ADAM8: variants seen among roughly 807,000 people sequenced by gnomAD.
The protein encoded by ADAM8 is disintegrin and metalloproteinase domain-containing protein 8.
ADAM8 carries 104 observed loss-of-function variants against 102.4 expected under a neutral mutation model. The observed-to-expected ratio is 1.02, with a 90% CI of 0.87 to 1.20. The LOEUF is 1.20. ADAM8 is among the 50% of genes most tolerant of loss of function. The pLI, the probability that ADAM8 is intolerant of heterozygous loss-of-function variation, is 0.00. For synonymous variants in ADAM8, 517 were observed against 485.2 expected, an observed-to-expected ratio of 1.07 and a Z score of -0.86; for missense variants, 1,132 against 1,159.0, an observed-to-expected ratio of 0.98 and a Z score of 0.34.
At position 133,273,829 on chromosome 10, in the gene ADAM8, A is replaced by G. The variant is rs922095580; in HGVS notation, c.316T>C (p.Phe106Leu). Residue 106 changes from phenylalanine to leucine, a missense_variant, in exon 5 of 23, where the codon TTC becomes CTC. Transcript: ENST00000445355. Reference protein sequence around the residue: ...TEQPRGQDHCFYQGHVEGYPD... With the variant: ...TEQPRGQDHCLYQGHVEGYPD... ...TACCCCTCTACGTGGCCCTGGTAGA[A>G]GCAGTGGTCCTGCGGGGGAAGCAGG... The G allele has an allele frequency of 1.3e-6, 2 of 1,549,352 alleles. No individual in the cohort carries two copies. The highest frequency in any genetic ancestry group is 1.7e-6 in the Non-Finnish European group (2 of 1,146,878).
Position 133,272,937 on chromosome 10 carries a change from C to G in ADAM8, c.636+20G>C. 6.2e-7 allele frequency: 1 copy of G among 1,612,706 alleles called. No homozygotes were observed. The highest frequency in any genetic ancestry group is 8.5e-7 in the Non-Finnish European group (1 of 1,179,726). ...CCCCCGCCGCCGGCTGCTCTCCCAC[C>G]TTCCCTGCCCCCAACACACCTCTGC... On this transcript the variant is annotated intron_variant, in intron 7 of 22. Transcript: ENST00000445355.
intron 19 of ADAM8, 110 bp from the exon 20 acceptor site, chr10:133,268,228 G>A (rs911344898): frequency 8.7e-6 from 9 of 1,029,662 alleles, no homozygotes; most frequent in African/African-American, 8.3e-5. Flanking sequence ...TTCAGGGCGA[G>A]AGGTTGTGGC....
At position 133,272,574 on chromosome 10, in the gene ADAM8, T is replaced by C; in HGVS notation, c.717A>G (p.Lys239=). The C allele has an allele frequency of 6.2e-7, 1 of 1,609,644 alleles. No homozygotes were observed. Among genetic ancestry groups the C allele is most frequent in the Non-Finnish European group, 8.5e-7 (1 of 1,178,640 alleles). ...CCACCAGGACCACACGGAAGTTGAG[T>C]TTCTGATATAGCTGGAGAGGTGGTG... ...VVNHVDKLYQ[K]LNFRVVLVGL... Residue 239 remains lysine (K), a synonymous_variant, in exon 9 of 23, where the codon AAA becomes AAG. Coordinates refer to ENST00000445355, the MANE Select transcript of ADAM8 (RefSeq NM_001109.5).
intron 2 of ADAM8, chr10:133,274,827 C>A (rs1250959901): frequency 9.2e-6 from 4 of 432,926 alleles, no homozygotes; most frequent in South Asian, 4.8e-5. Context: ...CCTGCTGGAC[C>A]ACTGCATCTC....
intron 20 of ADAM8, 147 bp from the exon 21 acceptor site, chr10:133,267,564 C>A (rs1368729631): frequency 3.8e-6 from 3 of 791,026 alleles, no homozygotes; most frequent in Non-Finnish European, 5.9e-6. Context: ...AGATGAGAGG[C>A]CCCGCCCCAT....
Position 133,262,941 on chromosome 10 carries a change from G to A in ADAM8, c.*215C>T. The A allele has an allele frequency of 1.5e-6, 1 of 676,978 alleles. No individual in the cohort carries two copies. Among genetic ancestry groups the A allele is most frequent in the Non-Finnish European group, 2.7e-6 (1 of 374,824 alleles). 41.9% of individuals were successfully genotyped at this position (676,978 alleles called of 1,614,324 possible). On this transcript the variant is annotated 3_prime_UTR_variant, in exon 23 of 23. Transcript: ENST00000445355. The stretch of plus-strand genomic sequence containing the variant: ...CCCAGCCTGGTGCCTGCAGACAGCT[G>A]GGGCTACACGTGGCCAAGGCGGGGA...
At position 133,275,504 on chromosome 10, in the gene ADAM8, G is replaced by A. The variant is rs970835860; in HGVS notation, c.130C>T (p.Arg44Ter). 13 of 1,530,988 alleles carry A rather than the reference G, an allele frequency of 8.5e-6. No individual in the cohort carries two copies. The highest frequency in any genetic ancestry group is 4.2e-5 in the Admixed American group (2 of 47,474). 94.8% of individuals were successfully genotyped at this position (1,530,988 alleles called of 1,614,324 possible). Reference protein sequence around the residue: ...PWRLPGPRVRRALPSHLGLHP... With the variant: ...PWRLPGPRVR ...CTCACCAAGTGGGAGGGCAGAGCTCGGCGGACTCGGGGGCCTGGCAGACGC... is the reference window on the plus strand; with the variant it reads ...CTCACCAAGTGGGAGGGCAGAGCTCAGCGGACTCGGGGGCCTGGCAGACGC... The change falls in exon 2 of 23, where the codon CGA (arginine) becomes TGA (stop). Residue 44 changes from arginine (R) to a stop codon, truncating the protein, a stop_gained. Transcript: ENST00000445355. LOFTEE classifies it high-confidence loss of function.
intron 22 of ADAM8, among the ~76,000 whole-genome samples, 170 bp downstream of exon 22, chr10:133,263,518 A>G (rs1846227123): frequency 7.4e-6 from 1 of 135,936 alleles, no homozygotes; most frequent in Non-Finnish European, 1.6e-5. Context: ...CACAGATACC[A>G]CAGTACAGCC....
At chr10:133,270,110 C>T in intron 16 of ADAM8, 136 bp from the exon 17 acceptor site, 8 of 1,176,622 alleles carry the variant, frequency 6.8e-6, no homozygotes, top group Non-Finnish European at 9.7e-6. Flanking sequence ...CATCTGCCGG[C>T]TGCCTACCCC....
Position 133,263,175 on chromosome 10 carries a change from C to G in ADAM8, c.2456G>C (p.Gly819Ala). Residue 819 changes from glycine (G) to alanine (A), a missense_variant, in exon 23 of 23, where the codon GGA becomes GCA. Transcript: ENST00000445355. ...KPPIQRKQGA[G>A]APTAP ...GCCCCCCTAGGGTGCTGTGGGAGCT[C>G]CGGCTCCTTGCTTCCTCTGGATGGG... The G allele has an allele frequency of 6.2e-7, 1 of 1,613,856 alleles. No individual in the cohort carries two copies. Among genetic ancestry groups the G allele is most frequent in the South Asian group, 1.1e-5 (1 of 91,076 alleles).
At position 133,272,511 on chromosome 10, in the gene ADAM8, G is replaced by C. The variant is rs752009788; in HGVS notation, c.780C>G (p.Val260=). 3 of 1,612,166 alleles carry C rather than the reference G, an allele frequency of 1.9e-6. No individual in the cohort carries two copies. The African/African-American group carries it at 4.0e-5, about 22-fold the overall frequency. ...EIWNSQDRFH[V]SPDPSVTLEN... Reference sequence around the variant, plus strand: ...CCAGTGTGACACTGGGGTCGGGGCTGACGTGGAACCTGTCCTGACTATTCC... The same window carrying C: ...CCAGTGTGACACTGGGGTCGGGGCTCACGTGGAACCTGTCCTGACTATTCC... The change falls in exon 9 of 23, where the codon GTC becomes GTG. Residue 260 remains valine (V), a synonymous_variant. Transcript: ENST00000445355.
chr10:133,274,145 C>A lies in ADAM8; in HGVS notation c.227+14G>T. 1.3e-6 allele frequency: 2 copies of A among 1,583,526 alleles called. No homozygotes were observed. The highest frequency in any genetic ancestry group is 1.7e-6 in the Non-Finnish European group (2 of 1,164,392). On this transcript the variant is annotated intron_variant, in intron 3 of 22. Coordinates refer to ENST00000445355, the MANE Select transcript of ADAM8 (RefSeq NM_001109.5). ...CCAGGCCCGGGCAGGGGGGCCGACC[C>A]GAGACCCACTCACCTGTTCTTCCGC...
chr10:133,270,687 C>T, intron 15 of ADAM8, 49 bp downstream of exon 15: 1 of 1,578,354 alleles, frequency 6.3e-7, no homozygotes, highest in Non-Finnish European at 8.6e-7. Flanking sequence ...GGGGCTGACC[C>T]CGCTGTGGGA....
intron 21 of ADAM8, among the ~76,000 whole-genome samples, chr10:133,266,247 C>T (rs564479383): frequency 1.6e-4 from 25 of 152,168 alleles, no homozygotes; most frequent in Admixed American, 1.0e-3. Flanking sequence ...TGGAGAAGGG[C>T]GTCCAGAGGG....
chr10:133,272,315 C>T (rs1846560093), intron 9 of ADAM8, 41 bp from the exon 10 acceptor site: 4 of 1,479,086 alleles, frequency 2.7e-6, no homozygotes, highest in Non-Finnish European at 3.6e-6. Context: ...ACACGGCTCC[C>T]TCCCCACTTC....
At chr10:133,274,311 G>T in intron 2 of ADAM8, 76 bp from the exon 3 acceptor site, 2 of 1,379,292 alleles carry the variant, frequency 1.5e-6, no homozygotes, top group Admixed American at 2.7e-5. Context: ...GGCCAGAGAA[G>T]CTCAGCTGGG....
chr10:133,275,032 G>A, intron 2 of ADAM8: 1 of 295,486 alleles, frequency 3.4e-6, no homozygotes, highest in African/African-American at 2.3e-5. Flanking sequence ...GCACATGTGT[G>A]CACACCCACC....
At chr10:133,267,564 C>T in intron 20 of ADAM8, 147 bp from the exon 21 acceptor site, 1 of 791,144 alleles carries the variant, frequency 1.3e-6, no homozygotes, top group Non-Finnish European at 2.0e-6. Context: ...AGATGAGAGG[C>T]CCCGCCCCAT....
chr10:133,269,636 C>A, intron 17 of ADAM8, 107 bp from the exon 18 acceptor site: 1 of 1,170,832 alleles, frequency 8.5e-7, no homozygotes, highest in Non-Finnish European at 1.2e-6. Flanking sequence ...CCCCGAGGGC[C>A]CCTCGGTCCC....
Sources: gnomAD v4.1 joint callset for allele counts (sites outside exome capture counted in the v4.1 genomes callset) on GRCh38, gnomAD v4.1.1 for gene constraint, MANE v1.5 for transcripts, NCBI Gene and HGNC (gene_info 2026-07-23, HGNC 2026-07-21) for gene names.